The following NUP93 variants were observed in gnomAD, a reference collection of about 807,000 sequenced individuals.
NUP93 encodes the protein nuclear pore complex protein Nup93.
NUP93 carries 55 observed loss-of-function variants against 107.8 expected under a neutral mutation model. The ratio of observed to expected loss-of-function variants is 0.51; its 90% CI spans 0.41 to 0.64. The LOEUF is 0.64. Ranked by LOEUF, NUP93 falls within the 30% of genes least tolerant of loss-of-function variation. The pLI, the probability that NUP93 is intolerant of heterozygous loss-of-function variation, is 0.00. For missense variants in NUP93, 937 were observed against 1,044.7 expected (o/e 0.90, Z 1.42); for synonymous variants, 390 against 397.5 (o/e 0.98, Z 0.22).
At position 56,846,302 on chromosome 16, in the gene NUP93, A is replaced by C. The variant is rs568083326; in HGVS notation, c.*1693A>C. On this transcript the variant is annotated 3_prime_UTR_variant, in exon 22 of 22. Transcript: ENST00000308159. Reference sequence around the variant, plus strand: ...GGCAGGCACCTGTAATCCCAGCTACACAGGAAGCTGAGACAGAATTGCTTG... The same window carrying C: ...GGCAGGCACCTGTAATCCCAGCTACCCAGGAAGCTGAGACAGAATTGCTTG... The C allele has an allele frequency of 6.6e-6, 1 of 151,168 alleles. No homozygotes were observed. Among genetic ancestry groups the C allele is most frequent in the African/African-American group, 2.4e-5 (1 of 41,174 alleles). The allele number at this position is 151,168 out of a possible 1,614,324, so 9.4% of individuals were successfully genotyped here.
At chr16:56,742,225 A>G (rs1262961615) in intron 1 of NUP93, among the ~76,000 whole-genome samples, 1 of 152,238 alleles carries the variant, frequency 6.6e-6, no homozygotes, top group South Asian at 2.1e-4. Context: ...ACGAGATGGC[A>G]ACACACCTAT....
chr16:56,761,461 CTTTT>C (rs1179489387), intron 3 of NUP93, among the ~76,000 whole-genome samples: 1 of 151,174 alleles, frequency 6.6e-6, no homozygotes, highest in East Asian at 1.9e-4. Context: ...ATTCGATGGA[CTTTT>C]TTTTTCATTT....
intron 3 of NUP93, among the ~76,000 whole-genome samples, chr16:56,787,815 G>A (rs967054446): frequency 1.3e-5 from 2 of 152,134 alleles, no homozygotes; most frequent in African/African-American, 4.8e-5. Context: ...GTTCCCTGAA[G>A]ACATATTGAA....
At chr16:56,835,685 C>T (rs1396087196) in intron 16 of NUP93, among the ~76,000 whole-genome samples, 1 of 152,214 alleles carries the variant, frequency 6.6e-6, no homozygotes, top group African/African-American at 2.4e-5. Context: ...TGGTCTAGCC[C>T]TGAGAGTCCA....
intron 3 of NUP93, among the ~76,000 whole-genome samples, chr16:56,774,161 A>C (rs184614484): frequency 1.3e-5 from 2 of 152,146 alleles, no homozygotes; most frequent in African/African-American, 4.8e-5. Context: ...CATCTTAGTT[A>C]ATCATCATTA....
rs1275542390 is a variant in NUP93, at chr16:56,842,508, A to G, written c.2349+675A>G. 22 of 420,288 alleles carry G rather than the reference A, an allele frequency of 5.2e-5. No individual in the cohort carries two copies. In the Admixed American group the frequency reaches 6.2e-4, roughly 12 times the overall value. The allele number at this position is 420,288 out of a possible 1,614,324, so 26.0% of individuals were successfully genotyped here. ...GATTACAAAAAAAAAGAGCAAAGGT[A>G]TTTTTTGACCCAGTTAAACCATAAG... is the stretch of plus-strand genomic sequence containing the variant. On this transcript the variant is annotated intron_variant, in intron 21 of 21. Transcript: ENST00000308159.
chr16:56,786,808 T>C (rs1288002761), intron 3 of NUP93, among the ~76,000 whole-genome samples: 5 of 152,176 alleles, frequency 3.3e-5, no homozygotes, highest in African/African-American at 1.2e-4. Context: ...AACTCTAGGT[T>C]TGAGGGGTCC....
At chr16:56,799,585 A>G (rs1468314346) in intron 4 of NUP93, among the ~76,000 whole-genome samples, 1 of 152,252 alleles carries the variant, frequency 6.6e-6, no homozygotes, top group Non-Finnish European at 1.5e-5. Context: ...GGAGGCTGGC[A>G]GGATACATTC....
At chr16:56,731,066 C>T (rs1268500339) in intron 1 of NUP93, among the ~76,000 whole-genome samples, 1 of 151,966 alleles carries the variant, frequency 6.6e-6, no homozygotes, top group African/African-American at 2.4e-5. Flanking sequence ...TTAAATTCTC[C>T]TTTGTGCATT....
intron 3 of NUP93, among the ~76,000 whole-genome samples, chr16:56,794,338 G>A (rs1962840920): frequency 6.6e-6 from 1 of 151,830 alleles, no homozygotes; most frequent in Admixed American, 6.6e-5. Flanking sequence ...TTTATATGTG[G>A]GTGAGGTTTG....
At chr16:56,742,845 C>T (rs1351889211) in intron 1 of NUP93, among the ~76,000 whole-genome samples, 2 of 152,124 alleles carry the variant, frequency 1.3e-5, no homozygotes, top group Non-Finnish European at 2.9e-5. Context: ...TCAGTGATTC[C>T]CCAGCTTGAG....
rs1964159646 is a variant in NUP93, at chr16:56,850,137, G to A, written c.*5528G>A. The stretch of plus-strand genomic sequence containing the variant: ...TTGCTTTTCTCGAGTCACTCTGTGT[G>A]GTGCTTGTGGGAGAAGGGAGAGGGT... On this transcript the variant is annotated 3_prime_UTR_variant, in exon 22 of 22. Transcript: ENST00000308159. 5 of 152,190 alleles carry A rather than the reference G, an allele frequency of 3.3e-5. No individual in the cohort carries two copies. In the South Asian group the frequency reaches 1.0e-3, roughly 32 times the overall value. 9.4% of individuals were successfully genotyped at this position (152,190 alleles called of 1,614,324 possible). A position where few individuals can be genotyped will look rare whatever the true frequency, so the allele number is the denominator to read the frequency against.
intron 3 of NUP93, among the ~76,000 whole-genome samples, chr16:56,767,861 G>A (rs1350364525): frequency 2.0e-5 from 3 of 152,186 alleles, no homozygotes; most frequent in African/African-American, 7.2e-5. Flanking sequence ...AGATGTCTTA[G>A]CATTGAATGA....
At chr16:56,809,701 C>A (rs1309370438) in intron 5 of NUP93, among the ~76,000 whole-genome samples, 1 of 152,110 alleles carries the variant, frequency 6.6e-6, no homozygotes, top group Non-Finnish European at 1.5e-5. Flanking sequence ...AACTGCACAT[C>A]CGGTATCTAT....
At chr16:56,750,574 A>G (rs1452327571) in intron 2 of NUP93, among the ~76,000 whole-genome samples, 1 of 152,138 alleles carries the variant, frequency 6.6e-6, no homozygotes, top group South Asian at 2.1e-4. Context: ...CAATTGTTAA[A>G]TTTTTTCACA....
intron 3 of NUP93, among the ~76,000 whole-genome samples, chr16:56,764,583 C>T (rs1178582380): frequency 2.6e-5 from 4 of 152,204 alleles, no homozygotes; most frequent in Non-Finnish European, 5.9e-5. Flanking sequence ...TTTCTATCTT[C>T]TGCTCCTTAA....
intron 3 of NUP93, chr16:56,783,596 T>G: frequency 1.2e-5 from 12 of 985,440 alleles, no homozygotes; most frequent in Non-Finnish European, 1.4e-5. Flanking sequence ...TTATTTCCCT[T>G]TGTCTGAAGT....
At chr16:56,762,186 A>T (rs1243627067) in intron 3 of NUP93, among the ~76,000 whole-genome samples, 1 of 152,158 alleles carries the variant, frequency 6.6e-6, no homozygotes, top group African/African-American at 2.4e-5. Context: ...AAAAATATTG[A>T]TGGCATATTG....
intron 8 of NUP93, among the ~76,000 whole-genome samples, chr16:56,827,196 A>G (rs1963686222): frequency 6.6e-6 from 1 of 152,076 alleles, no homozygotes. Context: ...AACATATTAT[A>G]TTTAGAAAGT....
Sources: allele counts gnomAD v4.1 joint callset (sites outside exome capture counted in the v4.1 genomes callset), GRCh38; gene constraint gnomAD v4.1.1; transcripts MANE v1.5; gene names NCBI Gene and HGNC (gene_info 2026-07-23, HGNC 2026-07-21).